Variants in INSYN2B observed in about 807,000 individuals in gnomAD.
INSYN2B encodes inhibitory synaptic factor family member 2B.
INSYN2B carries 16 observed loss-of-function variants against 41.2 expected under a neutral mutation model. That is an observed-to-expected ratio of 0.39 (90% confidence interval 0.26 to 0.59). The LOEUF is 0.59. Among genes scored for constraint, INSYN2B ranks in the 20% least tolerant of loss-of-function variants. INSYN2B has a pLI of 0.57. For missense variants in INSYN2B, 608 were observed against 646.4 expected (o/e 0.94, Z 0.64); for synonymous variants, 245 against 244.4 (o/e 1.00, Z -0.02).
intron 1 of INSYN2B, among the ~76,000 whole-genome samples, chr5:169,897,318 G>A (rs1233795579): frequency 6.6e-6 from 1 of 151,960 alleles, no homozygotes; most frequent in East Asian, 1.9e-4. Context: ...CCAAGTAGCT[G>A]GGATTACAGG....
intron 1 of INSYN2B, among the ~76,000 whole-genome samples, chr5:169,908,720 T>C (rs1386502283): frequency 1.1e-4 from 16 of 145,614 alleles, no homozygotes; most frequent in Admixed American, 8.2e-4. Context: ...TTTCTTTTTT[T>C]TTTTTTTTTT....
Position 169,898,022 on chromosome 5 carries a change from A to G in INSYN2B, c.-918-13206T>C, listed in dbSNP as rs2113566380. On this transcript the variant is annotated intron_variant, in intron 1 of 3. Transcript: ENST00000377365. ...TTCTTTAAGATGAAGAGTATTAGGA[A>G]ATAATTCGGCTGAGCAATTGTGAGT... 2.0e-5 allele frequency among the ~76,000 whole-genome samples: 3 copies of G among 152,358 alleles called. 1 individual carries two copies. In the Middle Eastern group the frequency reaches 0.01, roughly 518 times the overall value.
intron 1 of INSYN2B, among the ~76,000 whole-genome samples, chr5:169,910,212 G>T (rs765472952): frequency 2.0e-5 from 3 of 152,124 alleles, no homozygotes; most frequent in Non-Finnish European, 2.9e-5. Flanking sequence ...GCAAAGAAGA[G>T]GACAGTCATC....
intron 1 of INSYN2B, among the ~76,000 whole-genome samples, chr5:169,906,208 G>A (rs73800232): frequency 0.032 from 4,914 of 152,224 alleles, 203 homozygotes; most frequent in African/African-American, 0.097. Context: ...TAGTCAGAAA[G>A]TTCTTTCTGA....
intron 1 of INSYN2B, among the ~76,000 whole-genome samples, chr5:169,900,263 C>A (rs1773847712): frequency 6.6e-6 from 1 of 152,200 alleles, no homozygotes. Flanking sequence ...GACCTTTAGA[C>A]AACCCTAACC....
intron 1 of INSYN2B, among the ~76,000 whole-genome samples, chr5:169,902,964 G>GCT: frequency 6.6e-6 from 1 of 152,056 alleles, no homozygotes; most frequent in Non-Finnish European, 1.5e-5. Context: ...TGGGTGTGGT[G>GCT]GCACATGCCT....
At chr5:169,975,722 G>A (rs10079985) in intron 1 of INSYN2B, among the ~76,000 whole-genome samples, 44,259 of 152,050 alleles carry the variant, frequency 0.29, 7,311 homozygotes, top group Middle Eastern at 0.39. Flanking sequence ...TTTCATTAGT[G>A]GCACATATCA....
At chr5:169,945,314 C>T (rs1776402310) in intron 1 of INSYN2B, among the ~76,000 whole-genome samples, 1 of 152,216 alleles carries the variant, frequency 6.6e-6, no homozygotes, top group Non-Finnish European at 1.5e-5. Flanking sequence ...TAGTTCTCTT[C>T]TCTCCTCTAG....
At chr5:169,887,405 G>A (rs1393172416) in intron 1 of INSYN2B, among the ~76,000 whole-genome samples, 2 of 152,106 alleles carry the variant, frequency 1.3e-5, no homozygotes, top group African/African-American at 4.8e-5. Flanking sequence ...CACCCAGAAA[G>A]AGCCACAGTG....
intron 3 of INSYN2B, among the ~76,000 whole-genome samples, chr5:169,867,032 C>A (rs1771609667): frequency 6.6e-6 from 1 of 152,214 alleles, no homozygotes; most frequent in Non-Finnish European, 1.5e-5. Context: ...GTTGGGGTTC[C>A]CAAAACCCCT....
chr5:169,933,885 G>A (rs1041047491), intron 1 of INSYN2B, among the ~76,000 whole-genome samples: 1 of 152,190 alleles, frequency 6.6e-6, no homozygotes, highest in Non-Finnish European at 1.5e-5. Context: ...TGCTCCAGGG[G>A]ACATGCAGCA....
intron 2 of INSYN2B, 23 bp from the exon 3 acceptor site, chr5:169,881,465 G>A: frequency 6.5e-7 from 1 of 1,548,214 alleles, no homozygotes; most frequent in Non-Finnish European, 8.7e-7. Flanking sequence ...GCATTTGCTG[G>A]ATAAATCTAT....
Position 169,887,937 on chromosome 5 carries a change from G to A in INSYN2B, c.-918-3121C>T, listed in dbSNP as rs553609965. 7.2e-5 allele frequency among the ~76,000 whole-genome samples: 11 copies of A among 152,260 alleles called. 1 individual carries two copies. In the South Asian group the frequency reaches 1.4e-3, roughly 20 times the overall value. The stretch of plus-strand genomic sequence containing the variant: ...ATTGTTTTTAATCATTGCCAATAAA[G>A]TAGAAAAGAAATTGTATCTCATTAT... On this transcript the variant is annotated intron_variant, in intron 1 of 3. Coordinates refer to ENST00000377365, the MANE Select transcript of INSYN2B (RefSeq NM_001129891.3).
intron 1 of INSYN2B, among the ~76,000 whole-genome samples, chr5:169,916,868 G>A (rs1297730130): frequency 2.0e-5 from 3 of 152,200 alleles, no homozygotes; most frequent in African/African-American, 7.2e-5. Flanking sequence ...CACATAGCTA[G>A]TAAGTAATGG....
chr5:169,882,473 G>T, intron 2 of INSYN2B, 80 bp downstream of exon 2: 1 of 1,255,834 alleles, frequency 8.0e-7, no homozygotes, highest in Non-Finnish European at 1.1e-6. Context: ...TTTACTAAAA[G>T]AAACCAAAGC....
rs79455220 is a variant in INSYN2B at position 169,954,516 on chromosome 5, C to G, written c.-919+25761G>C. On this transcript the variant is annotated intron_variant, in intron 1 of 3. Transcript: ENST00000377365. ...ACCAGAAAGACCTCTTGGCCACCCC[C>G]CTGAAGCTGTGGTTCAGCAGAATCA... is the stretch of plus-strand genomic sequence containing the variant. 8.2e-3 allele frequency among the ~76,000 whole-genome samples: 1,249 copies of G among 152,298 alleles called. 64 individuals carry two copies. The East Asian group carries it at 0.14, about 17-fold the overall frequency.
At chr5:169,903,030 G>A (rs887811727) in intron 1 of INSYN2B, among the ~76,000 whole-genome samples, 4 of 151,928 alleles carry the variant, frequency 2.6e-5, no homozygotes, top group Non-Finnish European at 5.9e-5. Context: ...CAAAGGAGGT[G>A]GAGGTTGCAG....
chr5:169,913,434 G>T (rs1774713298), intron 1 of INSYN2B, among the ~76,000 whole-genome samples: 1 of 152,152 alleles, frequency 6.6e-6, no homozygotes, highest in South Asian at 2.1e-4. Context: ...AATAGAACAA[G>T]CTCATTGCCA....
Position 169,864,356 on chromosome 5 carries a change from G to C in INSYN2B, c.1525C>G (p.Pro509Ala). The change falls in exon 4 of 4, where the codon CCA becomes GCA. Residue 509 changes from proline to alanine, a missense_variant. Physicochemically the swap from Pro to Ala is conservative, Grantham distance 27. Coordinates refer to ENST00000377365, the MANE Select transcript of INSYN2B (RefSeq NM_001129891.3). Reference sequence around the variant, plus strand: ...TTTTCCGGGGCTGGGGGTTCTGCTGGGGACTTTGGTGGGGGCGATGCCTCC... The same window carrying C: ...TTTTCCGGGGCTGGGGGTTCTGCTGCGGACTTTGGTGGGGGCGATGCCTCC... ...VEEASPPPKS[P>A]AEPPAPEKQD... 1 of 1,551,588 alleles carries C rather than the reference G, an allele frequency of 6.4e-7. No individual in the cohort carries two copies. The highest frequency in any genetic ancestry group is 8.7e-7 in the Non-Finnish European group (1 of 1,146,920).
Sources: gnomAD v4.1 joint callset for allele counts (sites outside exome capture counted in the v4.1 genomes callset) on GRCh38, gnomAD v4.1.1 for gene constraint, MANE v1.5 for transcripts, NCBI Gene and HGNC (gene_info 2026-07-23, HGNC 2026-07-21) for gene names.